CREBBP: variants seen among roughly 807,000 people sequenced by gnomAD.
CREBBP encodes the protein CREB binding lysine acetyltransferase.
A neutral mutation model predicts 265.0 loss-of-function variants in CREBBP; 19 were observed. The ratio of observed to expected loss-of-function variants is 0.07; its 90% CI spans 0.05 to 0.11. The LOEUF is 0.11. Among genes scored for constraint, CREBBP ranks in the 10% least tolerant of loss-of-function variants. The pLI is 1.00. For synonymous variants in CREBBP, 1,457 were observed against 1,223.7 expected (o/e 1.19, Z -3.98); for missense variants, 2,525 against 3,219.0 (o/e 0.78, Z 5.22).
At chr16:3,856,144 G>T (rs2054959114) in intron 1 of CREBBP, among the ~76,000 whole-genome samples, 1 of 152,082 alleles carries the variant, frequency 6.6e-6, no homozygotes, top group Non-Finnish European at 1.5e-5. Context: ...TTTATTTTAT[G>T]TTTTAGAGAT....
At chr16:3,833,909 A>G (rs867440422) in intron 2 of CREBBP, among the ~76,000 whole-genome samples, 24 of 152,362 alleles carry the variant, frequency 1.6e-4, no homozygotes, top group African/African-American at 5.8e-4. Context: ...TTACAAAAAT[A>G]TATAAAGAAC....
In CREBBP at chr16:3,757,484, T is replaced by C. The variant is rs542845257; in HGVS notation, c.3610-108A>G. Reference sequence around the variant, plus strand: ...TAGTAAATTATTTCTGTTAGTATATTAGACAGTTTTCTAACAATTTTAGTA... The same window carrying C: ...TAGTAAATTATTTCTGTTAGTATATCAGACAGTTTTCTAACAATTTTAGTA... On this transcript the variant is annotated intron_variant, in intron 18 of 30. Coordinates refer to ENST00000262367, the MANE Select transcript of CREBBP (RefSeq NM_004380.3). 8.6e-6 allele frequency: 9 copies of C among 1,046,710 alleles called. No homozygotes were observed. The African/African-American group carries it at 1.4e-4, about 17-fold the overall frequency. The allele number at this position is 1,046,710 out of a possible 1,614,324, so 64.8% of individuals were successfully genotyped here. A position where few individuals can be genotyped will look rare whatever the true frequency, so the allele number is the denominator to read the frequency against.
intron 3 of CREBBP, among the ~76,000 whole-genome samples, chr16:3,801,224 A>G (rs17136542): frequency 0.021 from 3,239 of 152,310 alleles, 119 homozygotes; most frequent in African/African-American, 0.073. Context: ...CTTGCATTAT[A>G]AAGTGTTCTA....
intron 16 of CREBBP, among the ~76,000 whole-genome samples, chr16:3,764,006 A>G (rs970144808): frequency 6.6e-6 from 1 of 152,070 alleles, no homozygotes; most frequent in South Asian, 2.1e-4. Flanking sequence ...TGCCACACCC[A>G]GCTAAAAAGC....
intron 2 of CREBBP, among the ~76,000 whole-genome samples, chr16:3,818,569 C>T (rs901206800): frequency 6.6e-5 from 10 of 152,104 alleles, no homozygotes; most frequent in Non-Finnish European, 1.5e-4. Context: ...AGTGATCCGC[C>T]TGCCTTGGCC....
At chr16:3,744,747 A>T in intron 23 of CREBBP, 147 bp downstream of exon 23, 1 of 716,158 alleles carries the variant, frequency 1.4e-6, no homozygotes, top group South Asian at 1.5e-5. Flanking sequence ...CAAGAAAAAT[A>T]CAAAGTACTG....
chr16:3,809,358 A>G (rs2141342605), intron 3 of CREBBP, among the ~76,000 whole-genome samples: 1 of 152,192 alleles, frequency 6.6e-6, no homozygotes, highest in Middle Eastern at 3.4e-3. Flanking sequence ...TTGTATTTTT[A>G]GCAGAGACGG....
chr16:3,750,801 C>G (rs2052455222), intron 20 of CREBBP, among the ~76,000 whole-genome samples: 1 of 152,164 alleles, frequency 6.6e-6, no homozygotes, highest in Non-Finnish European at 1.5e-5. Context: ...ATCCATTAAT[C>G]TGGATTAGAC....
chr16:3,819,279 G>C (rs1367377278), intron 2 of CREBBP, among the ~76,000 whole-genome samples: 1 of 152,210 alleles, frequency 6.6e-6, no homozygotes, highest in East Asian at 1.9e-4. Context: ...TCTGCACCTT[G>C]GTTTTATCAT....
chr16:3,821,833 C>G (rs1441842299), intron 2 of CREBBP, among the ~76,000 whole-genome samples: 1 of 152,166 alleles, frequency 6.6e-6, no homozygotes, highest in African/African-American at 2.4e-5. Flanking sequence ...AGTTGGAGAC[C>G]CGCCTGGCCA....
chr16:3,867,049 G>C (rs1416144852), intron 1 of CREBBP, among the ~76,000 whole-genome samples: 1 of 152,152 alleles, frequency 6.6e-6, no homozygotes, highest in African/African-American at 2.4e-5. Flanking sequence ...AATGTTCTTA[G>C]AAGTCCTACC....
chr16:3,815,523 T>TC (rs1158866654), intron 2 of CREBBP, among the ~76,000 whole-genome samples: 1 of 122,288 alleles, frequency 8.2e-6, no homozygotes, highest in Non-Finnish European at 1.6e-5. Context: ...GAGGGGAGAC[T>TC]CCATCTCAAA....
rs767676524 is a variant in CREBBP, at chr16:3,736,639, G to T, written c.4560+11C>A. ...TGACAAAAGCCACCACCTTCCTTCA[G>T]CGCCGGGTACCTTGTAGTCATGGAT... On this transcript the variant is annotated intron_variant, in intron 27 of 30. Transcript: ENST00000262367. 16 of 1,614,090 alleles carry T rather than the reference G, an allele frequency of 9.9e-6. No homozygotes were observed. Among genetic ancestry groups the T allele is most frequent in the Non-Finnish European group, 1.4e-5 (16 of 1,180,046 alleles).
intron 9 of CREBBP, 53 bp downstream of exon 9, chr16:3,778,647 T>C: frequency 7.6e-7 from 1 of 1,322,202 alleles, no homozygotes. Flanking sequence ...ACAAATGTAG[T>C]GCTGTCTACT....
At chr16:3,775,737 G>A (rs2053122259) in intron 11 of CREBBP, among the ~76,000 whole-genome samples, 1 of 152,162 alleles carries the variant, frequency 6.6e-6, no homozygotes, top group African/African-American at 2.4e-5. Context: ...AGATGTGCTG[G>A]TAGGGAGGTT....
chr16:3,769,255 A>G lies in CREBBP; in HGVS notation c.2979T>C (p.Pro993=), dbSNP rs754823012. 2 of 1,614,162 alleles carry G rather than the reference A, an allele frequency of 1.2e-6. No individual in the cohort carries two copies. The highest frequency in any genetic ancestry group is 1.1e-5 in the South Asian group (1 of 91,070). ...GGGTCTCCGTCTTCATTTCCAGCAC[A>G]GGTACGTCAGGTCCTGGCTGCTGGG... is the stretch of plus-strand genomic sequence containing the variant. The part of the protein sequence containing the change: ...TNSQQPGPDV[P]VLEMKTETQA... The change falls in exon 15 of 31, where the codon CCT becomes CCC. Residue 993 remains proline, a synonymous_variant. Transcript: ENST00000262367.
intron 8 of CREBBP, among the ~76,000 whole-genome samples, chr16:3,779,085 T>C (rs1023493387): frequency 6.6e-6 from 1 of 151,566 alleles, no homozygotes; most frequent in African/African-American, 2.4e-5. Flanking sequence ...GAGAATTGCT[T>C]GAACCCGGGA....
chr16:3,827,486 G>C (rs2054260524), intron 2 of CREBBP, among the ~76,000 whole-genome samples: 1 of 152,202 alleles, frequency 6.6e-6, no homozygotes, highest in African/African-American at 2.4e-5. Flanking sequence ...CCCCCTTCCA[G>C]GTTCACGAGA....
In CREBBP at chr16:3,727,533, A is replaced by G; in HGVS notation, c.*185T>C. Reference sequence around the variant, plus strand: ...AAAAAAAACCAAAGAGAGAGACCAGATATTTAAATCAACTGGTTTTTAACA... The same window carrying G: ...AAAAAAAACCAAAGAGAGAGACCAGGTATTTAAATCAACTGGTTTTTAACA... On this transcript the variant is annotated 3_prime_UTR_variant, in exon 31 of 31. Coordinates refer to ENST00000262367, the MANE Select transcript of CREBBP (RefSeq NM_004380.3). 2.3e-6 allele frequency: 1 copy of G among 438,870 alleles called. No homozygotes were observed. The highest frequency in any genetic ancestry group is 1.0e-3 in the Middle Eastern group (1 of 996). The allele number at this position is 438,870 out of a possible 1,614,324, so 27.2% of individuals were successfully genotyped here.
Sources: gnomAD v4.1 joint callset for allele counts (sites outside exome capture counted in the v4.1 genomes callset) on GRCh38, gnomAD v4.1.1 for gene constraint, MANE v1.5 for transcripts, NCBI Gene and HGNC (gene_info 2026-07-23, HGNC 2026-07-21) for gene names.